Variants in PLEKHG7 observed in about 807,000 individuals in gnomAD.
PLEKHG7 encodes pleckstrin homology and RhoGEF domain containing G7.
Under a neutral mutation model 85.2 loss-of-function variants are expected in PLEKHG7, and 77 were observed. The ratio of observed to expected loss-of-function variants is 0.90; its 90% CI spans 0.75 to 1.09. The LOEUF is 1.09. Among genes scored for constraint, PLEKHG7 ranks in the 50% least tolerant of loss-of-function variants. The probability of loss-of-function intolerance (pLI) is 0.00; values close to 1 mark genes in which losing one functional copy is unlikely to be tolerated. For synonymous variants in PLEKHG7, 301 were observed against 302.4 expected (o/e 1.00, Z 0.05); for missense variants, 777 against 804.3 (o/e 0.97, Z 0.41).
At chr12:92,737,604 T>G (rs1170000003) in intron 7 of PLEKHG7, 83 bp downstream of exon 7, 1 of 1,192,262 alleles carries the variant, frequency 8.4e-7, no homozygotes, top group Non-Finnish European at 1.1e-6. Flanking sequence ...CTGAAAGAAA[T>G]AAAGAAAAGA....
intron 11 of PLEKHG7, among the ~76,000 whole-genome samples, chr12:92,754,961 T>TAAGA (rs901190754): frequency 5.3e-5 from 8 of 152,092 alleles, no homozygotes; most frequent in Non-Finnish European, 5.9e-5. Flanking sequence ...AAAAAAAAAG[T>TAAGA]AAGACTGTTT....
intron 10 of PLEKHG7, chr12:92,749,601 C>T (rs1302167694): frequency 6.6e-6 from 1 of 152,164 alleles, no homozygotes; most frequent in African/African-American, 2.4e-5. Flanking sequence ...CAAGTCTCTT[C>T]GTGTGGCACA....
chr12:92,768,209 GAAA>G (rs748690347), intron 15 of PLEKHG7, among the ~76,000 whole-genome samples: 19 of 126,668 alleles, frequency 1.5e-4, no homozygotes, highest in African/African-American at 5.5e-4. Flanking sequence ...TTCGTCTCAA[GAAA>G]AAAAAAAAAA....
intron 10 of PLEKHG7, among the ~76,000 whole-genome samples, chr12:92,753,617 T>C (rs970107937): frequency 3.3e-5 from 5 of 152,208 alleles, no homozygotes; most frequent in African/African-American, 1.2e-4. Context: ...TCAACTTCTA[T>C]CTTCTATTTT....
intron 5 of PLEKHG7, among the ~76,000 whole-genome samples, chr12:92,735,621 T>A (rs952837260): frequency 2.0e-5 from 3 of 152,248 alleles, no homozygotes; most frequent in Non-Finnish European, 2.9e-5. Flanking sequence ...GATAGCTTCT[T>A]CCTGCTTTGG....
At position 92,728,985 on chromosome 12, in the gene PLEKHG7, G is replaced by T; in HGVS notation, c.531-8G>T. ...CGGTGTGGTTTTCCTTTTATCTCTT[G>T]AGCACAGGTTCTACGAGCACAGGCG... On this transcript the variant is annotated splice_region_variant and splice_polypyrimidine_tract_variant and intron_variant, in intron 3 of 16. Transcript: ENST00000344636. The T allele has an allele frequency of 8.1e-7, 1 of 1,231,488 alleles. No individual in the cohort carries two copies. Among genetic ancestry groups the T allele is most frequent in the South Asian group, 4.1e-5 (1 of 24,282 alleles). The allele number at this position is 1,231,488 out of a possible 1,614,324, so 76.3% of individuals were successfully genotyped here. A position where few individuals can be genotyped will look rare whatever the true frequency, so the allele number is the denominator to read the frequency against.
At chr12:92,739,329 G>A (rs1170748204) in intron 7 of PLEKHG7, among the ~76,000 whole-genome samples, 1 of 152,198 alleles carries the variant, frequency 6.6e-6, no homozygotes, top group Non-Finnish European at 1.5e-5. Flanking sequence ...GCCCACCCCT[G>A]GGAATGAGAT....
rs533102549 is a variant in PLEKHG7, at chr12:92,707,555, G to A, written c.508-95G>A. The stretch of plus-strand genomic sequence containing the variant: ...CAAAATGTAAAACATGTTTTAACTA[G>A]GAGGGCTCATTGTTTCTCCTTTCAA... On this transcript the variant is annotated intron_variant, in intron 2 of 16. Transcript: ENST00000344636. The A allele has an allele frequency of 7.9e-4, 1,220 of 1,544,224 alleles. 17 individuals carry two copies. In the South Asian group the frequency reaches 0.011, roughly 15 times the overall value.
chr12:92,756,455 A>C (rs1872835714), intron 13 of PLEKHG7, 64 bp downstream of exon 13: 2 of 1,245,280 alleles, frequency 1.6e-6, no homozygotes, highest in East Asian at 4.7e-5. Flanking sequence ...TTTGACTGCC[A>C]GTAATTGAAG....
intron 3 of PLEKHG7, among the ~76,000 whole-genome samples, chr12:92,710,129 G>A (rs1245319928): frequency 6.6e-6 from 1 of 152,204 alleles, no homozygotes; most frequent in Non-Finnish European, 1.5e-5. Context: ...CACTAGGGGT[G>A]ATGATGAGTA....
rs994660364 is a variant in PLEKHG7, at chr12:92,754,371, T to A, written c.1426+107T>A. Reference sequence around the variant, plus strand: ...AGGTAATTCCACTGATTTGAGGTCATGGCTCTTGGAAATGTGGGTTCAAGT... The same window carrying A: ...AGGTAATTCCACTGATTTGAGGTCAAGGCTCTTGGAAATGTGGGTTCAAGT... On this transcript the variant is annotated intron_variant, in intron 11 of 16. Coordinates refer to ENST00000344636, the MANE Select transcript of PLEKHG7 (RefSeq NM_001377329.1). The A allele has an allele frequency of 1.4e-5, 15 of 1,103,040 alleles. 2 individuals are homozygous for A. In the African/African-American group the frequency reaches 2.2e-4, roughly 16 times the overall value. 68.3% of individuals were successfully genotyped at this position (1,103,040 alleles called of 1,614,324 possible).
chr12:92,721,029 G>T (rs1024054800), intron 3 of PLEKHG7, among the ~76,000 whole-genome samples: 1 of 152,114 alleles, frequency 6.6e-6, no homozygotes, highest in Non-Finnish European at 1.5e-5. Context: ...ATCCCTCTAA[G>T]CCTCAGTTTC....
chr12:92,750,133 G>A (rs778148834), intron 10 of PLEKHG7, among the ~76,000 whole-genome samples: 8 of 151,420 alleles, frequency 5.3e-5, no homozygotes, highest in Admixed American at 4.0e-4. Flanking sequence ...TTGCTCAAGC[G>A]ACAGGACATA....
intron 14 of PLEKHG7, among the ~76,000 whole-genome samples, chr12:92,763,404 A>G (rs1418854305): frequency 1.3e-5 from 2 of 152,160 alleles, no homozygotes; most frequent in Admixed American, 6.5e-5. Flanking sequence ...ACTCAATACT[A>G]TAGAGAGATT....
intron 15 of PLEKHG7, among the ~76,000 whole-genome samples, chr12:92,767,354 C>G (rs1048264299): frequency 6.6e-6 from 1 of 152,094 alleles, no homozygotes; most frequent in African/African-American, 2.4e-5. Flanking sequence ...AGCAAGGATG[C>G]CTGGAATAAC....
At position 92,764,084 on chromosome 12, in the gene PLEKHG7, C is replaced by T. The variant is rs1873113668; in HGVS notation, c.1760C>T (p.Thr587Ile). The change falls in exon 15 of 17, where the codon ACT becomes ATT. Residue 587 changes from threonine to isoleucine, a missense_variant. By Grantham distance (89) the Thr-to-Ile change is moderately conservative. Coordinates refer to ENST00000344636, the MANE Select transcript of PLEKHG7 (RefSeq NM_001377329.1). Reference protein sequence around the residue: ...SDPGLMCPSLTPELQAVIKEG... With the variant: ...SDPGLMCPSLIPELQAVIKEG... ...CCTGGTTTAATGTGTCCTTCTCTTACTCCTGAGTTGCAAGCAGTAATAAAA... is the reference window on the plus strand; with the variant it reads ...CCTGGTTTAATGTGTCCTTCTCTTATTCCTGAGTTGCAAGCAGTAATAAAA... 1.2e-6 allele frequency: 2 copies of T among 1,612,558 alleles called. No individual in the cohort carries two copies. The highest frequency in any genetic ancestry group is 1.3e-5 in the African/African-American group (1 of 74,806).
At chr12:92,715,839 T>C (rs1179751227) in intron 3 of PLEKHG7, among the ~76,000 whole-genome samples, 1 of 152,108 alleles carries the variant, frequency 6.6e-6, no homozygotes, top group Non-Finnish European at 1.5e-5. Context: ...CACTCATTTG[T>C]GCATTGCCTG....
chr12:92,740,989 A>C (rs1236467716), intron 8 of PLEKHG7, 41 bp downstream of exon 8: 1 of 1,398,948 alleles, frequency 7.1e-7, no homozygotes, highest in Non-Finnish European at 1.0e-6. Context: ...CATTCACTAG[A>C]GGACCATGAA....
At chr12:92,708,044 G>T in intron 3 of PLEKHG7, 1 of 272,028 alleles carries the variant, frequency 3.7e-6, no homozygotes, top group Non-Finnish European at 7.0e-6. Context: ...TAAAAGAAAG[G>T]AACAAGATGT....
Sources: allele counts gnomAD v4.1 joint callset (sites outside exome capture counted in the v4.1 genomes callset), GRCh38; gene constraint gnomAD v4.1.1; transcripts MANE v1.5; gene names NCBI Gene and HGNC (gene_info 2026-07-23, HGNC 2026-07-21).